Variants in TENM4 observed in about 807,000 individuals in gnomAD.
TENM4 encodes teneurin transmembrane protein 4.
TENM4 carries 82 observed loss-of-function variants against 243.3 expected under a neutral mutation model. The observed-to-expected ratio is 0.34, with a 90% CI of 0.28 to 0.40. The LOEUF (loss-of-function observed/expected upper bound fraction) is 0.40, where lower values mean the gene tolerates loss of function less well. Ranked by LOEUF, TENM4 falls within the 10% of genes least tolerant of loss-of-function variation. TENM4 has a pLI of 1.00. For synonymous variants in TENM4, 1,412 were observed against 1,456.3 expected, an observed-to-expected ratio of 0.97 and a Z score of 0.69; for missense variants, 3,138 against 3,673.3, an observed-to-expected ratio of 0.85 and a Z score of 3.77.
rs566283841 is a variant in TENM4, at chr11:79,231,260, A to G, written c.-264-15351T>C. On this transcript the variant is annotated intron_variant, in intron 2 of 33. Transcript: ENST00000278550. ...CACAGCAAATAAATTGCAAACAGACATGGCTGGGTTATTCAAGAAATATGT... is the reference window on the plus strand; with the variant it reads ...CACAGCAAATAAATTGCAAACAGACGTGGCTGGGTTATTCAAGAAATATGT... 6.2e-4 allele frequency among the ~76,000 whole-genome samples: 95 copies of G among 152,360 alleles called. 2 individuals carry two copies. In the South Asian group the frequency reaches 0.019, roughly 31 times the overall value.
At chr11:79,332,154 G>T (rs1857071605) in intron 1 of TENM4, among the ~76,000 whole-genome samples, 2 of 152,166 alleles carry the variant, frequency 1.3e-5, no homozygotes, top group African/African-American at 4.8e-5. Context: ...GGTGATGAAA[G>T]TTACCAGCTA....
intron 6 of TENM4, among the ~76,000 whole-genome samples, chr11:79,023,694 A>G (rs575626587): frequency 2.2e-4 from 33 of 152,322 alleles, no homozygotes; most frequent in Admixed American, 2.2e-3. Flanking sequence ...AAAAAGCTAC[A>G]TAGTAATTGG....
At chr11:78,879,697 C>T (rs1375259290) in intron 9 of TENM4, among the ~76,000 whole-genome samples, 1 of 149,330 alleles carries the variant, frequency 6.7e-6, no homozygotes. Context: ...CCTGGCAGCC[C>T]CATCTGGGAA....
chr11:79,335,182 A>G (rs1242146114), intron 1 of TENM4, among the ~76,000 whole-genome samples: 1 of 152,214 alleles, frequency 6.6e-6, no homozygotes, highest in African/African-American at 2.4e-5. Context: ...GTACAAGTGT[A>G]TGGCATAGTT....
chr11:79,138,330 TTA>T (rs60898265), intron 4 of TENM4, among the ~76,000 whole-genome samples: 22,895 of 116,358 alleles, frequency 0.2, 2,465 homozygotes, highest in African/African-American at 0.22. Context: ...TATATATATA[TTA>T]TATATATAAT....
intron 1 of TENM4, among the ~76,000 whole-genome samples, chr11:79,360,196 G>A (rs1857567606): frequency 6.6e-6 from 1 of 152,158 alleles, no homozygotes; most frequent in South Asian, 2.1e-4. Flanking sequence ...ATGAGCAAGA[G>A]CTACATATTC....
chr11:78,886,958 C>T (rs1334537391), intron 9 of TENM4, among the ~76,000 whole-genome samples: 1 of 152,216 alleles, frequency 6.6e-6, no homozygotes, highest in East Asian at 1.9e-4. Context: ...AAGCGATCAG[C>T]TTTTCCTGAC....
chr11:79,356,753 T>C (rs1857503402), intron 1 of TENM4, among the ~76,000 whole-genome samples: 1 of 144,658 alleles, frequency 6.9e-6, no homozygotes, highest in African/African-American at 2.4e-5. Context: ...TGTTATTGTA[T>C]TGGGTAAAAA....
intron 6 of TENM4, among the ~76,000 whole-genome samples, chr11:79,023,138 A>C (rs1327104994): frequency 6.6e-6 from 1 of 152,210 alleles, no homozygotes; most frequent in Non-Finnish European, 1.5e-5. Context: ...TCATCTATTG[A>C]ATGAATGTTT....
chr11:79,424,956 G>C (rs1017145287), intron 1 of TENM4, among the ~76,000 whole-genome samples: 2 of 152,048 alleles, frequency 1.3e-5, no homozygotes, highest in African/African-American at 4.8e-5. Flanking sequence ...AAAAGTCAGG[G>C]GTGCCGAAGT....
In TENM4 at chr11:78,658,217, C is replaced by T. The variant is rs748545051; in HGVS notation, c.8151G>A (p.Leu2717=). ...GCTTCTCCCCCTCTGTCCAGGCCCG[C>T]AGGCCTTCCTCCCCTTCCCGCAGTC... The part of the protein sequence containing the change: ...QQRLREGEEG[L]RAWTEGEKQQ... The change falls in exon 34 of 34, where the codon CTG becomes CTA. Residue 2717 remains leucine, a synonymous_variant. Transcript: ENST00000278550. 1.2e-6 allele frequency: 2 copies of T among 1,614,058 alleles called. No homozygotes were observed. The highest frequency in any genetic ancestry group is 1.7e-6 in the Non-Finnish European group (2 of 1,179,900).
At chr11:78,990,562 C>T (rs1046047653) in intron 6 of TENM4, among the ~76,000 whole-genome samples, 1 of 152,170 alleles carries the variant, frequency 6.6e-6, no homozygotes, top group Non-Finnish European at 1.5e-5. Context: ...ACGAGATATA[C>T]TGTTCAGTGG....
intron 30 of TENM4, among the ~76,000 whole-genome samples, chr11:78,673,099 G>C (rs998305759): frequency 3.3e-5 from 5 of 152,088 alleles, no homozygotes; most frequent in African/African-American, 9.7e-5. Context: ...CTTCAGGATC[G>C]GGAGTGCCTT....
intron 12 of TENM4, among the ~76,000 whole-genome samples, chr11:78,824,371 T>C (rs1857803459): frequency 6.6e-6 from 1 of 152,084 alleles, no homozygotes; most frequent in Non-Finnish European, 1.5e-5. Flanking sequence ...CTACACCCTT[T>C]AAAATGACCA....
chr11:79,242,467 T>A (rs1855439940), intron 2 of TENM4, among the ~76,000 whole-genome samples: 1 of 152,094 alleles, frequency 6.6e-6, no homozygotes, highest in African/African-American at 2.4e-5. Context: ...CCGTTAACAG[T>A]TTGTGTGTGT....
At chr11:79,194,693 G>A (rs1037685127) in intron 3 of TENM4, among the ~76,000 whole-genome samples, 1 of 152,160 alleles carries the variant, frequency 6.6e-6, no homozygotes, top group Non-Finnish European at 1.5e-5. Flanking sequence ...GGTGACTTGG[G>A]TACTGTTAAA....
Position 78,657,720 on chromosome 11 carries a change from G to C in TENM4, c.*338C>G, listed in dbSNP as rs1857929828. On this transcript the variant is annotated 3_prime_UTR_variant, in exon 34 of 34. Transcript: ENST00000278550. ...ACATCACACTGGGTACCTAGGGACA[G>C]ACGAGGACACACCCCAGGAGATGCA... The C allele has an allele frequency of 2.3e-6, 1 of 433,354 alleles. No individual in the cohort carries two copies. 26.8% of individuals were successfully genotyped at this position (433,354 alleles called of 1,614,324 possible).
chr11:79,031,208 CATTAGAGG>C (rs1173293219), intron 6 of TENM4, among the ~76,000 whole-genome samples: 1 of 152,116 alleles, frequency 6.6e-6, no homozygotes, highest in East Asian at 1.9e-4. Context: ...AATCCTGGCA[CATTAGAGG>C]AGCTCAGCAA....
rs1855625223 is a variant in TENM4 at position 78,889,942 on chromosome 11, T to G, written c.927A>C (p.Thr309=). The change falls in exon 9 of 34, where the codon ACA becomes ACC. Residue 309 remains threonine (T), a synonymous_variant. Transcript: ENST00000278550. ...GGGGTCGGGGCGGAGGAGAGTACACTGTGCTGGACGTCAGTGGGTACCCTG... is the reference window on the plus strand; with the variant it reads ...GGGGTCGGGGCGGAGGAGAGTACACGGTGCTGGACGTCAGTGGGTACCCTG... ...TSPGYPLTSS[T]VYSPPPRPLP... is the part of the protein sequence containing the mutation. 6.4e-7 allele frequency: 1 copy of G among 1,551,412 alleles called. No individual in the cohort carries two copies. Among genetic ancestry groups the G allele is most frequent in the Non-Finnish European group, 8.7e-7 (1 of 1,146,976 alleles).
Sources: gnomAD v4.1 joint callset for allele counts (sites outside exome capture counted in the v4.1 genomes callset) on GRCh38, gnomAD v4.1.1 for gene constraint, MANE v1.5 for transcripts, NCBI Gene and HGNC (gene_info 2026-07-23, HGNC 2026-07-21) for gene names.